ATP6V1C2: variants seen among roughly 807,000 people sequenced by gnomAD.
The protein encoded by ATP6V1C2 is ATPase H+ transporting V1 subunit C2, also known as V-type proton ATPase subunit C 2.
In ATP6V1C2, 45 loss-of-function variants were observed where a neutral mutation model predicts 56.8. The ratio of observed to expected loss-of-function variants is 0.79; its 90% CI spans 0.62 to 1.02. The LOEUF (loss-of-function observed/expected upper bound fraction) is 1.02. Among genes scored for constraint, ATP6V1C2 ranks in the 50% least tolerant of loss-of-function variants. ATP6V1C2 has a pLI of 0.00. For synonymous variants in ATP6V1C2, 220 were observed against 201.3 expected (o/e 1.09, Z -0.79); for missense variants, 463 against 519.7 (o/e 0.89, Z 1.06).
chr2:10,767,157 A>ATTTTTTTTTTTTT (rs1403505861), intron 5 of ATP6V1C2, among the ~76,000 whole-genome samples: 1 of 85,264 alleles, frequency 1.2e-5, no homozygotes, highest in Admixed American at 1.8e-4. Flanking sequence ...ATCATTTTTT[A>ATTTTTTTTTTTTT]TCTTTTTTTT....
rs1665614009 is a variant in ATP6V1C2, at chr2:10,784,576, TGAG to T, written c.*1318_*1320del. On this transcript the variant is annotated 3_prime_UTR_variant, in exon 14 of 14. Coordinates refer to ENST00000272238, the MANE Select transcript of ATP6V1C2 (RefSeq NM_001039362.2). The stretch of plus-strand genomic sequence containing the variant: ...TGGAAGCCACTTGAACGTGTCCTTT[TGAG>T]GAGGGTGGGACACAACAGTACAGAA... 1 of 522,832 alleles carries T rather than the reference TGAG, an allele frequency of 1.9e-6. No homozygotes were observed. Among genetic ancestry groups the T allele is most frequent in the Non-Finnish European group, 3.4e-6 (1 of 298,144 alleles). The allele number at this position is 522,832 out of a possible 1,614,324, so 32.4% of individuals were successfully genotyped here.
intron 5 of ATP6V1C2, among the ~76,000 whole-genome samples, chr2:10,765,026 T>C (rs1161170350): frequency 6.6e-6 from 1 of 151,680 alleles, no homozygotes; most frequent in Non-Finnish European, 1.5e-5. Context: ...CATCATCTAC[T>C]CCTAGGAACC....
chr2:10,732,126 A>C (rs986388102), intron 3 of ATP6V1C2, among the ~76,000 whole-genome samples: 1 of 152,118 alleles, frequency 6.6e-6, no homozygotes, highest in African/African-American at 2.4e-5. Flanking sequence ...TAGCTCTGAA[A>C]TTCTGTGATC....
intron 3 of ATP6V1C2, among the ~76,000 whole-genome samples, chr2:10,746,160 C>T (rs990160587): frequency 2.6e-5 from 4 of 151,918 alleles, no homozygotes; most frequent in East Asian, 1.9e-4. Context: ...CCACCACACC[C>T]GGCTAATTTT....
At position 10,783,510 on chromosome 2, in the gene ATP6V1C2, T is replaced by TGGTAGTA; in HGVS notation, c.*247_*248insGGTAGTA. On this transcript the variant is annotated 3_prime_UTR_variant, in exon 14 of 14. Coordinates refer to ENST00000272238, the MANE Select transcript of ATP6V1C2 (RefSeq NM_001039362.2). Reference sequence around the variant, plus strand: ...TTTTACATAAATGCGAACTACCTGTTCGCATTGGTAACCTGCTGCTGTATT... The same window carrying TGGTAGTA: ...TTTTACATAAATGCGAACTACCTGTTGGTAGTACGCATTGGTAACCTGCTGCTGTATT... 2.6e-6 allele frequency: 1 copy of TGGTAGTA among 387,752 alleles called. No individual in the cohort carries two copies. The highest frequency in any genetic ancestry group is 4.7e-6 in the Non-Finnish European group (1 of 211,330). 24.0% of individuals were successfully genotyped at this position (387,752 alleles called of 1,614,324 possible).
intron 10 of ATP6V1C2, among the ~76,000 whole-genome samples, chr2:10,777,051 T>C (rs912948179): frequency 2.6e-5 from 4 of 152,174 alleles, no homozygotes; most frequent in African/African-American, 9.7e-5. Context: ...GGTTTGAGTG[T>C]ACTTTGAGAG....
intron 5 of ATP6V1C2, among the ~76,000 whole-genome samples, chr2:10,768,392 G>A (rs760682019): frequency 1.5e-4 from 23 of 152,236 alleles, no homozygotes; most frequent in Non-Finnish European, 3.4e-4. Flanking sequence ...TGGAAGCAAC[G>A]ATTGGGGGTC....
At position 10,763,233 on chromosome 2, in the gene ATP6V1C2, C is replaced by T. The variant is rs1224886610; in HGVS notation, c.284-1098C>T. On this transcript the variant is annotated intron_variant, in intron 4 of 13. Coordinates refer to ENST00000272238, the MANE Select transcript of ATP6V1C2 (RefSeq NM_001039362.2). This position sits in a 1 kb window ranked among gnomAD's most constrained non-coding sequence, Gnocchi z 4.2. ...CTGCCAGCCCTCCTCACCTGACACC[C>T]GGCGCCCTCCATCACCGGCCACACG... 2.0e-5 allele frequency among the ~76,000 whole-genome samples: 3 copies of T among 152,274 alleles called. No homozygotes were observed. Among genetic ancestry groups the T allele is most frequent in the East Asian group, 1.9e-4 (1 of 5,170 alleles).
chr2:10,775,070 ATG>A lies in ATP6V1C2; in HGVS notation c.825+2_825+3del, dbSNP rs1166585066. Reference sequence around the variant, plus strand: ...TTGCTGTCTGATAAGAAGCAACAGTATGTGAGTATGTGATTGAGCAGCTCCTC... The same window carrying A: ...TTGCTGTCTGATAAGAAGCAACAGTATGAGTATGTGATTGAGCAGCTCCTC... On this transcript the variant is annotated splice_donor_variant and coding_sequence_variant, in exon 10 of 14. Transcript: ENST00000272238. LOFTEE classifies it high-confidence loss of function. The A allele has an allele frequency of 1.9e-6, 3 of 1,611,788 alleles. No individual in the cohort carries two copies. The highest frequency in any genetic ancestry group is 2.5e-6 in the Non-Finnish European group (3 of 1,178,176).
chr2:10,733,926 A>G (rs1482713694), intron 3 of ATP6V1C2, among the ~76,000 whole-genome samples: 3 of 151,774 alleles, frequency 2.0e-5, no homozygotes, highest in Admixed American at 6.6e-5. Context: ...TGGCTGATCA[A>G]AGATTTCATA....
intron 11 of ATP6V1C2, 161 bp from the exon 12 acceptor site, chr2:10,778,411 T>A: frequency 1.5e-6 from 1 of 653,286 alleles, no homozygotes. Context: ...GACCTCGAGG[T>A]CCTGAGCCTG....
rs184895235 is a variant in ATP6V1C2, at chr2:10,777,652, C to T, written c.893C>T (p.Pro298Leu). The stretch of plus-strand genomic sequence containing the variant: ...CCGGACCACAAGGTTAAGGTAACCC[C>T]GCTAGGTAACCCTGATAGGCCTGCT... ...TFPDHKVKVTPLGNPDRPAAG... is the reference protein window; with the variant it reads ...TFPDHKVKVTLLGNPDRPAAG... Residue 298 changes from proline to leucine, a missense_variant, in exon 11 of 14, where the codon CCG (proline) becomes CTG (leucine). Transcript: ENST00000272238. The T allele has an allele frequency of 1.1e-5, 18 of 1,614,134 alleles. No homozygotes were observed. Among genetic ancestry groups the T allele is most frequent in the East Asian group, 6.7e-5 (3 of 44,878 alleles).
In ATP6V1C2 at chr2:10,768,716, C is replaced by T. The variant is rs193015734; in HGVS notation, c.379-3C>T. 1.1e-4 allele frequency: 183 copies of T among 1,613,890 alleles called. No homozygotes were observed. In the African/African-American group the frequency reaches 2.3e-3, roughly 20 times the overall value. On this transcript the variant is annotated splice_polypyrimidine_tract_variant and splice_region_variant and intron_variant, in intron 5 of 13. Transcript: ENST00000272238. ...ACCTGGAGCTTTTGCTTTCCCAAAACAGCAACTGGCGCAGATCGAGATGGA... is the reference window on the plus strand; with the variant it reads ...ACCTGGAGCTTTTGCTTTCCCAAAATAGCAACTGGCGCAGATCGAGATGGA...
chr2:10,781,371 G>A (rs1328592481), intron 12 of ATP6V1C2, among the ~76,000 whole-genome samples: 2 of 152,104 alleles, frequency 1.3e-5, no homozygotes, highest in Non-Finnish European at 2.9e-5. Flanking sequence ...CCAGCTACTT[G>A]GGAGGCTGAG....
In ATP6V1C2 at chr2:10,767,139, T is replaced by C. The variant is rs201160156; in HGVS notation, c.379-1580T>C. On this transcript the variant is annotated intron_variant, in intron 5 of 13. Coordinates refer to ENST00000272238, the MANE Select transcript of ATP6V1C2 (RefSeq NM_001039362.2). Reference sequence around the variant, plus strand: ...ATCATCACTTTATCTTTAAATATTTTTTTAATTATCATTTTTTATCTTTTT... The same window carrying C: ...ATCATCACTTTATCTTTAAATATTTCTTTAATTATCATTTTTTATCTTTTT... Among the ~76,000 whole-genome samples the C allele has an allele frequency of 1.9e-4, 29 of 150,902 alleles. No individual in the cohort carries two copies. In the East Asian group the frequency reaches 4.7e-3, roughly 24 times the overall value.
intron 4 of ATP6V1C2, among the ~76,000 whole-genome samples, chr2:10,761,185 G>A (rs1185420019): frequency 5.9e-5 from 9 of 152,228 alleles, no homozygotes; most frequent in African/African-American, 2.2e-4. Context: ...GGAGTTGTGG[G>A]GACTTGCCTG....
intron 5 of ATP6V1C2, 52 bp downstream of exon 5, chr2:10,764,477 A>T (rs1664108114): frequency 6.6e-7 from 1 of 1,524,326 alleles, no homozygotes; most frequent in East Asian, 2.3e-5. Flanking sequence ...TCAGGCGGGC[A>T]AGAGCCTGGG....
intron 12 of ATP6V1C2, among the ~76,000 whole-genome samples, chr2:10,781,593 A>G (rs1214069664): frequency 2.0e-5 from 3 of 152,168 alleles, no homozygotes; most frequent in Admixed American, 6.5e-5. Context: ...GGGCGTGTAA[A>G]AACAGACTTC....
Position 10,763,520 on chromosome 2 carries a change from A to G in ATP6V1C2, c.284-811A>G, listed in dbSNP as rs1473387600. Among the ~76,000 whole-genome samples, 2 of 152,134 alleles carry G rather than the reference A, an allele frequency of 1.3e-5. No homozygotes were observed. Among genetic ancestry groups the G allele is most frequent in the Non-Finnish European group, 2.9e-5 (2 of 68,006 alleles). The stretch of plus-strand genomic sequence containing the variant: ...GCGTGACAGTCCCCTTTCATGCACC[A>G]GGATAGACCAGGAAGTGTAGGTGCA... On this transcript the variant is annotated intron_variant, in intron 4 of 13. Coordinates refer to ENST00000272238, the MANE Select transcript of ATP6V1C2 (RefSeq NM_001039362.2). This position sits in a 1 kb window ranked among gnomAD's most constrained non-coding sequence, Gnocchi z 4.2.
Sources: gnomAD v4.1 joint callset for allele counts (sites outside exome capture counted in the v4.1 genomes callset) on GRCh38, gnomAD v4.1.1 for gene constraint, Gnocchi (gnomAD v3.1) non-coding constraint, MANE v1.5 for transcripts, NCBI Gene and HGNC (gene_info 2026-07-23, HGNC 2026-07-21) for gene names.